CNTNAP4: variants seen among roughly 807,000 people sequenced by gnomAD.
CNTNAP4 encodes contactin-associated protein-like 4.
CNTNAP4 carries 98 observed loss-of-function variants against 148.4 expected under a neutral mutation model. The observed-to-expected ratio is 0.66, with a 90% CI of 0.56 to 0.78. The LOEUF is 0.78. CNTNAP4 is among the 30% of genes least tolerant of loss of function. The pLI, the probability that CNTNAP4 is intolerant of heterozygous loss-of-function variation, is 0.00. For synonymous variants in CNTNAP4, 730 were observed against 565.1 expected (o/e 1.29, Z -4.14); for missense variants, 1,935 against 1,565.6 (o/e 1.24, Z -3.98).
chr16:76,355,340 T>C lies in CNTNAP4; in HGVS notation c.219T>C (p.Leu73=). The stretch of plus-strand genomic sequence containing the variant: ...AAGGAGCTGGTGGCTGGTCTCCACT[T>C]GTGTCTAACAAATACCAGTGGTTGC... ...RRDGAGGWSP[L]VSNKYQWLQI... The change falls in exon 3 of 24, where the codon CTT becomes CTC. Residue 73 remains leucine (L), a synonymous_variant. Coordinates refer to ENST00000611870, the MANE Select transcript of CNTNAP4 (RefSeq NM_033401.5). The C allele has an allele frequency of 6.3e-7, 1 of 1,583,784 alleles. No homozygotes were observed. Among genetic ancestry groups the C allele is most frequent in the Non-Finnish European group, 8.6e-7 (1 of 1,165,946 alleles).
intron 2 of CNTNAP4, among the ~76,000 whole-genome samples, chr16:76,341,111 C>A (rs9319495): frequency 6.6e-6 from 1 of 151,956 alleles, no homozygotes; most frequent in Non-Finnish European, 1.5e-5. Flanking sequence ...AGCCATTATT[C>A]GTTCTTCACC....
chr16:76,408,081 TTTAAAA>T (rs1568040071), intron 3 of CNTNAP4, among the ~76,000 whole-genome samples: 1 of 152,046 alleles, frequency 6.6e-6, no homozygotes, highest in Non-Finnish European at 1.5e-5. Flanking sequence ...AATCAAGTAT[TTTAAAA>T]TTAAGGCATA....
At chr16:76,376,853 T>A (rs1297859951) in intron 3 of CNTNAP4, among the ~76,000 whole-genome samples, 1 of 150,764 alleles carries the variant, frequency 6.6e-6, no homozygotes, top group Admixed American at 6.6e-5. Context: ...GAGGGTGAGG[T>A]TGATAGGAGA....
At chr16:76,539,001 T>A (rs2084336372) in intron 19 of CNTNAP4, among the ~76,000 whole-genome samples, 1 of 152,168 alleles carries the variant, frequency 6.6e-6, no homozygotes, top group African/African-American at 2.4e-5. Context: ...TTCAACTGAT[T>A]CAAATATATC....
chr16:76,555,806 G>T (rs1187834938), intron 23 of CNTNAP4, among the ~76,000 whole-genome samples: 2 of 152,188 alleles, frequency 1.3e-5, no homozygotes, highest in African/African-American at 4.8e-5. Flanking sequence ...AATATGGAAG[G>T]TTTGTAGTTC....
intron 2 of CNTNAP4, among the ~76,000 whole-genome samples, chr16:76,347,990 C>G (rs1164101185): frequency 6.6e-6 from 1 of 152,076 alleles, no homozygotes; most frequent in Non-Finnish European, 1.5e-5. Flanking sequence ...AGAATAGAAT[C>G]TCAGTGGGCA....
At chr16:76,369,886 T>C (rs1283591546) in intron 3 of CNTNAP4, among the ~76,000 whole-genome samples, 1 of 151,968 alleles carries the variant, frequency 6.6e-6, no homozygotes. Flanking sequence ...GATTTGCCCT[T>C]TCTCCTCCGT....
intron 2 of CNTNAP4, among the ~76,000 whole-genome samples, chr16:76,328,755 C>T (rs1172940779): frequency 2.0e-5 from 3 of 152,092 alleles, no homozygotes; most frequent in Admixed American, 6.5e-5. Flanking sequence ...AAGTGATTCT[C>T]CTGCCTCAGC....
At chr16:76,408,232 G>T (rs964781415) in intron 3 of CNTNAP4, among the ~76,000 whole-genome samples, 1 of 151,192 alleles carries the variant, frequency 6.6e-6, no homozygotes, top group Non-Finnish European at 1.5e-5. Context: ...GTCTGGAACC[G>T]AATCCACAGT....
At chr16:76,527,103 G>GCAAAGAGT (rs1435196660) in intron 17 of CNTNAP4, among the ~76,000 whole-genome samples, 1 of 152,154 alleles carries the variant, frequency 6.6e-6, no homozygotes, top group Non-Finnish European at 1.5e-5. Context: ...TTGCCAGGCT[G>GCAAAGAGT]CAAAGAGTCT....
chr16:76,348,523 A>C (rs975778457), intron 2 of CNTNAP4, among the ~76,000 whole-genome samples: 2 of 152,178 alleles, frequency 1.3e-5, no homozygotes, highest in Non-Finnish European at 2.9e-5. Flanking sequence ...ATAAAAGAAG[A>C]AACCAGCAAT....
chr16:76,546,291 C>A (rs1161939398), intron 21 of CNTNAP4, among the ~76,000 whole-genome samples: 3 of 152,204 alleles, frequency 2.0e-5, no homozygotes, highest in Non-Finnish European at 1.5e-5. Context: ...CGGACAAGTA[C>A]TGTGCTGCAC....
At position 76,428,165 on chromosome 16, in the gene CNTNAP4, A is replaced by T. The variant is rs541880396; in HGVS notation, c.538+566A>T. Among the ~76,000 whole-genome samples the T allele has an allele frequency of 2.6e-5, 4 of 152,336 alleles. No homozygotes were observed. In the South Asian group the frequency reaches 6.2e-4, roughly 24 times the overall value. ...AAAAAAGATAGAAACCACAGATTTC[A>T]CTTAGTCTCCTCTTAATGAAGCATT... On this transcript the variant is annotated intron_variant, in intron 4 of 23. Transcript: ENST00000611870.
intron 13 of CNTNAP4, among the ~76,000 whole-genome samples, chr16:76,494,075 T>C (rs1012493557): frequency 1.1e-4 from 11 of 96,838 alleles, no homozygotes; most frequent in Non-Finnish European, 2.0e-4. Flanking sequence ...CTACAATTTT[T>C]CCTCCATACT....
At chr16:76,331,888 G>A in intron 2 of CNTNAP4, among the ~76,000 whole-genome samples, 1 of 152,108 alleles carries the variant, frequency 6.6e-6, no homozygotes, top group Non-Finnish European at 1.5e-5. Flanking sequence ...GACATTTCCT[G>A]TTGGACAGGC....
At chr16:76,540,857 G>T in intron 21 of CNTNAP4, 67 bp downstream of exon 21, 1 of 1,109,350 alleles carries the variant, frequency 9.0e-7, no homozygotes, top group Non-Finnish European at 1.3e-6. Flanking sequence ...GATCAGAAAA[G>T]TCATATTACA....
intron 2 of CNTNAP4, among the ~76,000 whole-genome samples, chr16:76,338,393 C>A (rs1302708156): frequency 6.6e-6 from 1 of 152,122 alleles, no homozygotes; most frequent in Non-Finnish European, 1.5e-5. Flanking sequence ...CCCTTTGCTC[C>A]CTTCACTCCC....
chr16:76,420,181 A>C (rs1444690964), intron 3 of CNTNAP4, among the ~76,000 whole-genome samples: 3 of 151,956 alleles, frequency 2.0e-5, no homozygotes, highest in Non-Finnish European at 4.4e-5. Flanking sequence ...ATTCTAATAT[A>C]TTCTAACAGA....
chr16:76,311,400 C>T (rs938940616), intron 1 of CNTNAP4, among the ~76,000 whole-genome samples: 6 of 151,930 alleles, frequency 3.9e-5, no homozygotes, highest in African/African-American at 1.5e-4. Flanking sequence ...GGTGACTTTT[C>T]TGAGATATTG....
Sources: gnomAD v4.1 joint callset for allele counts (sites outside exome capture counted in the v4.1 genomes callset) on GRCh38, gnomAD v4.1.1 for gene constraint, MANE v1.5 for transcripts, NCBI Gene and HGNC (gene_info 2026-07-23, HGNC 2026-07-21) for gene names.